DPF3: variants seen among roughly 807,000 people sequenced by gnomAD.
The protein encoded by DPF3 is double PHD fingers 3.
Under a neutral mutation model 56.8 loss-of-function variants are expected in DPF3, and 18 were observed. That is an observed-to-expected ratio of 0.32 (90% CI 0.22 to 0.47). The LOEUF is 0.47. Among genes scored for constraint, DPF3 ranks in the 20% least tolerant of loss-of-function variants. The pLI, the probability that DPF3 is intolerant of heterozygous loss-of-function variation, is 1.00. For missense variants in DPF3, 403 were observed against 488.8 expected, an observed-to-expected ratio of 0.82 and a Z score of 1.65; for synonymous variants, 188 against 180.2, an observed-to-expected ratio of 1.04 and a Z score of -0.35.
In DPF3 at chr14:72,756,244, G is replaced by A. The variant is rs535763723; in HGVS notation, c.194-2873C>T. ...TTTCTGTTACTTTGAGCTGCAACTC[G>A]AGCTACAACATTCCTGCCCATGTGT... On this transcript the variant is annotated intron_variant, in intron 2 of 10. Coordinates refer to ENST00000556509, the MANE Select transcript of DPF3 (RefSeq NM_001280542.3). 2.6e-4 allele frequency among the ~76,000 whole-genome samples: 39 copies of A among 152,214 alleles called. No homozygotes were observed. The South Asian group carries it at 6.2e-3, about 24-fold the overall frequency.
intron 8 of DPF3, chr14:72,671,585 C>T (rs1219202203): frequency 2.4e-5 from 16 of 658,616 alleles, no homozygotes; most frequent in Non-Finnish European, 5.6e-6. Context: ...TCCACAGCTT[C>T]CGACAGCAAA....
At chr14:72,768,275 T>G (rs1286903697) in intron 2 of DPF3, among the ~76,000 whole-genome samples, 1 of 152,202 alleles carries the variant, frequency 6.6e-6, no homozygotes, top group Non-Finnish European at 1.5e-5. Context: ...TTTTCTAAAT[T>G]ATGTTTGATG....
At chr14:72,651,415 C>A (rs551970312) in intron 8 of DPF3, among the ~76,000 whole-genome samples, 13 of 152,316 alleles carry the variant, frequency 8.5e-5, no homozygotes, top group African/African-American at 3.1e-4. Flanking sequence ...TTTTTCCCAG[C>A]CTCTTAGGAG....
At chr14:72,674,031 T>C (rs577079557) in intron 8 of DPF3, 161 of 683,580 alleles carry the variant, frequency 2.4e-4, no homozygotes, top group Non-Finnish European at 3.3e-4. Context: ...AACTTCTCTT[T>C]GCCCTTTCCC....
rs372452441 is a variant in DPF3, at chr14:72,767,760, C to CAAAA, written c.193+3969_193+3972dup. Among the ~76,000 whole-genome samples the CAAAA allele has an allele frequency of 2.8e-3, 204 of 72,310 alleles. 1 individual carries two copies. The highest frequency in any genetic ancestry group is 0.017 in the Middle Eastern group (2 of 118). The allele number at this position is 72,310 out of a possible 152,430, so 47.4% of individuals were successfully genotyped here. A position where few individuals can be genotyped will look rare whatever the true frequency, so the allele number is the denominator to read the frequency against. On this transcript the variant is annotated intron_variant, in intron 2 of 10. Coordinates refer to ENST00000556509, the MANE Select transcript of DPF3 (RefSeq NM_001280542.3). Reference sequence around the variant, plus strand: ...ATGGCTGAAAAATTCCCAAATTTGGCAAAAAAAAAAAAAAAAAAACCCCAT... The same window carrying CAAAA: ...ATGGCTGAAAAATTCCCAAATTTGGCAAAAAAAAAAAAAAAAAAAAAAACCCCAT...
At chr14:72,872,365 A>G (rs536449299) in intron 1 of DPF3, among the ~76,000 whole-genome samples, 119 of 152,358 alleles carry the variant, frequency 7.8e-4, no homozygotes, top group African/African-American at 2.7e-3. Context: ...AAATTTCTGC[A>G]GCCGACTTGA....
intron 3 of DPF3, among the ~76,000 whole-genome samples, chr14:72,742,887 G>C (rs1212367244): frequency 6.6e-6 from 1 of 152,104 alleles, no homozygotes; most frequent in Non-Finnish European, 1.5e-5. Flanking sequence ...ACCCCTGCTC[G>C]AGCTGGCCAG....
chr14:72,892,942 TGGAAGGAAGGAAGGAAGGAAGGAA>T (rs61598180), intron 1 of DPF3, among the ~76,000 whole-genome samples: 18,185 of 132,458 alleles, frequency 0.14, 2,672 homozygotes, highest in African/African-American at 0.18. Flanking sequence ...TTCCACTGAC[TGGAAGGAAGGAAGGAAGGAAGGAA>T]GGAAGGAAGG....
chr14:72,672,050 C>A (rs868677837), intron 8 of DPF3, among the ~76,000 whole-genome samples: 1 of 123,340 alleles, frequency 8.1e-6, no homozygotes, highest in Non-Finnish European at 1.7e-5. Flanking sequence ...CACACACACA[C>A]ACACACACAG....
At chr14:72,770,006 G>A (rs1891456305) in intron 2 of DPF3, among the ~76,000 whole-genome samples, 1 of 152,130 alleles carries the variant, frequency 6.6e-6, no homozygotes, top group Non-Finnish European at 1.5e-5. Context: ...AAGTTGTAGA[G>A]CTAACAAATG....
intron 7 of DPF3, among the ~76,000 whole-genome samples, chr14:72,677,452 T>G (rs1038475462): frequency 6.6e-6 from 1 of 152,192 alleles, no homozygotes; most frequent in African/African-American, 2.4e-5. Flanking sequence ...ATATCAGTCA[T>G]GCCCTGGGGA....
intron 6 of DPF3, among the ~76,000 whole-genome samples, chr14:72,699,324 C>A (rs992089912): frequency 3.6e-4 from 55 of 151,816 alleles, no homozygotes; most frequent in African/African-American, 1.3e-3. Context: ...GTTCAACACC[C>A]ATCTGGGCAA....
chr14:72,886,494 A>G (rs1886552025), intron 1 of DPF3, among the ~76,000 whole-genome samples: 1 of 152,186 alleles, frequency 6.6e-6, no homozygotes, highest in Non-Finnish European at 1.5e-5. Flanking sequence ...CTCCATCTCT[A>G]CTAAAGATTA....
At chr14:72,674,053 G>T in intron 8 of DPF3, 187 bp downstream of exon 8, 1 of 839,798 alleles carries the variant, frequency 1.2e-6, no homozygotes, top group Non-Finnish European at 1.7e-6. Context: ...CGGATCCTAG[G>T]GCATAACTTT....
chr14:72,702,191 G>C lies in DPF3; in HGVS notation c.605-8978C>G, dbSNP rs577297921. 2.3e-3 allele frequency among the ~76,000 whole-genome samples: 342 copies of C among 150,690 alleles called. 3 individuals carry two copies. Among genetic ancestry groups the C allele is most frequent in the Non-Finnish European group, 3.6e-3 (246 of 67,632 alleles). Reference sequence around the variant, plus strand: ...GCCTCCCTCCCCACCCACCCCAACGGCCTGGGGCTGACTGGCGTGGCCTGC... The same window carrying C: ...GCCTCCCTCCCCACCCACCCCAACGCCCTGGGGCTGACTGGCGTGGCCTGC... On this transcript the variant is annotated intron_variant, in intron 6 of 10. Transcript: ENST00000556509.
chr14:72,829,854 T>C (rs533242479), intron 1 of DPF3, among the ~76,000 whole-genome samples: 1 of 152,252 alleles, frequency 6.6e-6, no homozygotes, highest in East Asian at 1.9e-4. Context: ...GTGATTCTCC[T>C]GCCTCAGCCT....
At chr14:72,805,051 G>GACACACACACACACACACACAC (rs138162317) in intron 1 of DPF3, among the ~76,000 whole-genome samples, 48,929 of 146,034 alleles carry the variant, frequency 0.34, 9,444 homozygotes, top group Non-Finnish European at 0.42. Flanking sequence ...CACAGCCCTG[G>GACACACACACACACACACACAC]ACACACACAC....
chr14:72,707,756 A>AG (rs1888468639), intron 6 of DPF3, among the ~76,000 whole-genome samples: 1 of 151,932 alleles, frequency 6.6e-6, no homozygotes, highest in Non-Finnish European at 1.5e-5. Flanking sequence ...AAACAAATAC[A>AG]GCAAAAAATT....
intron 7 of DPF3, among the ~76,000 whole-genome samples, chr14:72,690,558 A>ACG (rs528731771): frequency 6.6e-6 from 1 of 151,762 alleles, no homozygotes; most frequent in East Asian, 1.9e-4. Flanking sequence ...ACACACATGC[A>ACG]CGCACACACA....
Sources: allele counts gnomAD v4.1 joint callset (sites outside exome capture counted in the v4.1 genomes callset), GRCh38; gene constraint gnomAD v4.1.1; transcripts MANE v1.5; gene names NCBI Gene and HGNC (gene_info 2026-07-23, HGNC 2026-07-21).